NEK10: variants seen among roughly 807,000 people sequenced by gnomAD.
NEK10 encodes the protein serine/threonine-protein kinase Nek10.
A neutral mutation model predicts 159.8 loss-of-function variants in NEK10; 122 were observed. The observed-to-expected ratio is 0.76, with a 90% CI of 0.66 to 0.89. The LOEUF is 0.89. Ranked by LOEUF, NEK10 falls within the 40% of genes least tolerant of loss-of-function variation. The probability of loss-of-function intolerance (pLI) is 0.00; values close to 1 mark genes in which losing one functional copy is unlikely to be tolerated. For missense variants in NEK10, 1,342 were observed against 1,323.1 expected, an observed-to-expected ratio of 1.01 and a Z score of -0.22; for synonymous variants, 466 against 457.1, an observed-to-expected ratio of 1.02 and a Z score of -0.25.
intron 26 of NEK10, among the ~76,000 whole-genome samples, chr3:27,178,848 G>T (rs577788788): frequency 6.6e-6 from 1 of 152,314 alleles, no homozygotes; most frequent in East Asian, 1.9e-4. Context: ...CATCAGAGAG[G>T]TGGGCTGATG....
At chr3:27,248,565 T>C (rs1955331764) in intron 23 of NEK10, among the ~76,000 whole-genome samples, 3 of 152,208 alleles carry the variant, frequency 2.0e-5, no homozygotes, top group South Asian at 4.1e-4. Flanking sequence ...GTTTCCATTA[T>C]TATTTGTTTC....
chr3:27,174,119 T>A (rs1947277247), intron 28 of NEK10, among the ~76,000 whole-genome samples: 1 of 152,198 alleles, frequency 6.6e-6, no homozygotes, highest in African/African-American at 2.4e-5. Flanking sequence ...ACCAACAGGC[T>A]CATAAAAGGT....
At chr3:27,321,270 C>T (rs1422957416) in intron 6 of NEK10, among the ~76,000 whole-genome samples, 3 of 152,120 alleles carry the variant, frequency 2.0e-5, no homozygotes, top group South Asian at 2.1e-4. Context: ...CAATAGCATC[C>T]CTGGGAAACT....
chr3:27,289,696 A>G (rs887369168), intron 19 of NEK10, among the ~76,000 whole-genome samples: 5 of 152,248 alleles, frequency 3.3e-5, no homozygotes, highest in African/African-American at 1.2e-4. Flanking sequence ...GCCTTGTGCT[A>G]CAATGAAAGA....
At chr3:27,192,578 C>T (rs984273895) in intron 25 of NEK10, among the ~76,000 whole-genome samples, 8 of 143,082 alleles carry the variant, frequency 5.6e-5, no homozygotes, top group African/African-American at 1.9e-4. Context: ...GAAATCACTG[C>T]CAACTCACTG....
At chr3:27,269,627 C>T (rs2041178758) in intron 22 of NEK10, among the ~76,000 whole-genome samples, 1 of 152,190 alleles carries the variant, frequency 6.6e-6, no homozygotes, top group African/African-American at 2.4e-5. Flanking sequence ...AATGTGAACA[C>T]AACGTGTACA....
intron 1 of NEK10, among the ~76,000 whole-genome samples, chr3:27,363,112 G>A (rs2048803812): frequency 6.6e-6 from 1 of 152,142 alleles, no homozygotes; most frequent in African/African-American, 2.4e-5. Flanking sequence ...CCACCACAGA[G>A]TTACTCCTCC....
rs568820333 is a variant in NEK10 at position 27,226,517 on chromosome 3, C to T, written c.2091-23960G>A. Reference sequence around the variant, plus strand: ...ACGGCTGCTGCAGAGGTCACAGTAACGCTTTCAGATGCCCTGGGCAAAGTG... The same window carrying T: ...ACGGCTGCTGCAGAGGTCACAGTAATGCTTTCAGATGCCCTGGGCAAAGTG... On this transcript the variant is annotated intron_variant, in intron 23 of 35. Coordinates refer to ENST00000691995, the MANE Select transcript of NEK10 (RefSeq NM_001394966.1). Among the ~76,000 whole-genome samples, 14 of 152,290 alleles carry T rather than the reference C, an allele frequency of 9.2e-5. No individual in the cohort carries two copies. The South Asian group carries it at 1.2e-3, about 14-fold the overall frequency.
At chr3:27,190,632 T>C (rs1044797077) in intron 26 of NEK10, among the ~76,000 whole-genome samples, 1 of 152,154 alleles carries the variant, frequency 6.6e-6, no homozygotes, top group Non-Finnish European at 1.5e-5. Flanking sequence ...ATGAATCTAA[T>C]ATGAAATGAC....
intron 30 of NEK10, among the ~76,000 whole-genome samples, chr3:27,159,738 G>C (rs1342476973): frequency 6.6e-6 from 1 of 151,846 alleles, no homozygotes; most frequent in Non-Finnish European, 1.5e-5. Context: ...ATGTAAAATA[G>C]TTTCATTGTT....
chr3:27,140,646 C>T (rs1360874690), intron 31 of NEK10, among the ~76,000 whole-genome samples: 1 of 152,122 alleles, frequency 6.6e-6, no homozygotes, highest in African/African-American at 2.4e-5. Context: ...TCTTCAGTAT[C>T]TGAATATTTA....
At chr3:27,319,638 G>A (rs2045473408) in intron 6 of NEK10, among the ~76,000 whole-genome samples, 2 of 152,332 alleles carry the variant, frequency 1.3e-5, no homozygotes, top group African/African-American at 4.8e-5. Flanking sequence ...GAATAGCTGG[G>A]TCAAGAGAAG....
chr3:27,323,203 A>C (rs945772511), intron 5 of NEK10, among the ~76,000 whole-genome samples: 7 of 152,190 alleles, frequency 4.6e-5, no homozygotes, highest in African/African-American at 1.7e-4. Context: ...ATCTCCCCTC[A>C]ATCCGAACAG....
intron 5 of NEK10, among the ~76,000 whole-genome samples, chr3:27,338,627 C>T (rs1014504313): frequency 2.0e-5 from 3 of 152,170 alleles, no homozygotes; most frequent in Non-Finnish European, 4.4e-5. Flanking sequence ...TTCTAACTGG[C>T]GTGAGATAAT....
At chr3:27,220,917 T>C (rs1021764020) in intron 23 of NEK10, among the ~76,000 whole-genome samples, 2 of 152,104 alleles carry the variant, frequency 1.3e-5, no homozygotes, top group Admixed American at 1.3e-4. Context: ...GAAAATTCAA[T>C]AGGAAAAGAA....
chr3:27,226,362 G>A (rs7624067), intron 23 of NEK10, among the ~76,000 whole-genome samples: 35,539 of 151,452 alleles, frequency 0.23, 4,247 homozygotes, highest in African/African-American at 0.3. Flanking sequence ...TTAAAAAAAA[G>A]AAAGAAAGAA....
rs1280928574 is a variant in NEK10, at chr3:27,162,683, C to T, written c.2869+18G>A. 4 of 1,613,782 alleles carry T rather than the reference C, an allele frequency of 2.5e-6. No individual in the cohort carries two copies. The highest frequency in any genetic ancestry group is 1.1e-5 in the South Asian group (1 of 91,072). On this transcript the variant is annotated intron_variant, in intron 30 of 35. Coordinates refer to ENST00000691995, the MANE Select transcript of NEK10 (RefSeq NM_001394966.1). ...TAGAGAGTTGTGTTTGATTTTATTG[C>T]TACCAACACTAAGTTACCTGGTCTT...
At chr3:27,224,792 T>C (rs1160118332) in intron 23 of NEK10, among the ~76,000 whole-genome samples, 1 of 152,210 alleles carries the variant, frequency 6.6e-6, no homozygotes, top group Non-Finnish European at 1.5e-5. Flanking sequence ...TCATTTTTTC[T>C]CTTCTAAAAA....
intron 26 of NEK10, among the ~76,000 whole-genome samples, chr3:27,187,698 T>G (rs1426540567): frequency 6.6e-6 from 1 of 151,740 alleles, no homozygotes; most frequent in Admixed American, 6.6e-5. Flanking sequence ...GAGGCAGAGC[T>G]TGCAGTGAGC....
Sources: allele counts gnomAD v4.1 joint callset (sites outside exome capture counted in the v4.1 genomes callset), GRCh38; gene constraint gnomAD v4.1.1; transcripts MANE v1.5; gene names NCBI Gene and HGNC (gene_info 2026-07-23, HGNC 2026-07-21).